Variants in SIAH1 observed in about 807,000 individuals in gnomAD.
SIAH1 encodes E3 ubiquitin-protein ligase SIAH1.
SIAH1 carries 2 observed loss-of-function variants against 20.0 expected under a neutral mutation model. The ratio of observed to expected loss-of-function variants is 0.10; its 90% confidence interval spans 0.04 to 0.31. The LOEUF is 0.31. SIAH1 is among the 10% of genes least tolerant of loss of function. The probability of loss-of-function intolerance (pLI) is 1.00; values close to 1 mark genes in which losing one functional copy is unlikely to be tolerated. For synonymous variants in SIAH1, 118 were observed against 125.3 expected (o/e 0.94, Z 0.39); for missense variants, 119 against 355.3 (o/e 0.33, Z 5.35).
intron 1 of SIAH1, chr16:48,365,358 TC>T: frequency 6.2e-7 from 1 of 1,612,914 alleles, no homozygotes. Flanking sequence ...TTTCACAGCC[TC>T]AGCAAACCAT....
upstream of SIAH1, chr16:48,387,106 C>G (rs1054337426): frequency 6.6e-6 from 1 of 152,212 alleles, no homozygotes; most frequent in Non-Finnish European, 1.5e-5. Flanking sequence ...GACACAGTGT[C>G]CCCTGAGGAT....
In SIAH1 at chr16:48,367,005, C is replaced by T. The variant is rs199842257; in HGVS notation, c.-2-4575G>A. On this transcript the variant is annotated intron_variant, in intron 1 of 1. Transcript: ENST00000394725. Reference sequence around the variant, plus strand: ...CACCGCAGCCTCGGTCTTCTGGGCTCGAGCAATCCTCCCACCTCAATCTCC... The same window carrying T: ...CACCGCAGCCTCGGTCTTCTGGGCTTGAGCAATCCTCCCACCTCAATCTCC... Among the ~76,000 whole-genome samples the T allele has an allele frequency of 1.2e-4, 18 of 152,148 alleles. No homozygotes were observed. In the East Asian group the frequency reaches 3.5e-3, roughly 29 times the overall value.
rs933399818 is a variant in SIAH1, at chr16:48,370,658, T to C, written c.-2-8228A>G. On this transcript the variant is annotated intron_variant, in intron 1 of 1. Coordinates refer to ENST00000394725, the MANE Select transcript of SIAH1 (RefSeq NM_003031.4). ...CGTCTCTACTAAAAATACAAAAAAT[T>C]AGCCAGGCGCGGTGGCGGGCGCCTG... Among the ~76,000 whole-genome samples the C allele has an allele frequency of 2.0e-5, 3 of 151,686 alleles. No homozygotes were observed. In the East Asian group the frequency reaches 5.8e-4, roughly 29 times the overall value.
At chr16:48,384,689 C>A (rs1289328507) in intron 1 of SIAH1, among the ~76,000 whole-genome samples, 1 of 146,132 alleles carries the variant, frequency 6.8e-6, no homozygotes, top group East Asian at 2.2e-4. Context: ...GCCCGCCGAG[C>A]GGCGCGGTGC....
In SIAH1 at chr16:48,375,638, C is replaced by CA. The variant is rs553847346; in HGVS notation, c.-3+9565dup. Reference sequence around the variant, plus strand: ...CGGGCGACAGAGCGAGACTCCGTCTCAAAAAAAAACAAAAAACAAAAAACA... The same window carrying CA: ...CGGGCGACAGAGCGAGACTCCGTCTCAAAAAAAAAACAAAAAACAAAAAACA... On this transcript the variant is annotated intron_variant, in intron 1 of 1. Transcript: ENST00000394725. Among the ~76,000 whole-genome samples, 1,321 of 133,482 alleles carry CA rather than the reference C, an allele frequency of 9.9e-3. 16 individuals carry two copies. The highest frequency in any genetic ancestry group is 0.034 in the African/African-American group (1,200 of 35,670). 87.6% of individuals were successfully genotyped at this position (133,482 alleles called of 152,430 possible). A position where few individuals can be genotyped will look rare whatever the true frequency, so the allele number is the denominator to read the frequency against.
intron 1 of SIAH1, among the ~76,000 whole-genome samples, chr16:48,375,474 C>CT (rs1239652545): frequency 6.6e-6 from 1 of 151,980 alleles, no homozygotes; most frequent in Non-Finnish European, 1.5e-5. Flanking sequence ...ACTGTTTCTA[C>CT]TAAAAATACA....
chr16:48,385,826 C>G (rs1326895441), upstream of SIAH1, among the ~76,000 whole-genome samples: 2 of 152,182 alleles, frequency 1.3e-5, no homozygotes, highest in Admixed American at 6.5e-5. Flanking sequence ...TGTGCCCTCC[C>G]CCTTGTTTTG....
chr16:48,363,211 CTCT>C (rs1393459717), intron 1 of SIAH1: 5 of 167,024 alleles, frequency 3.0e-5, no homozygotes, highest in Non-Finnish European at 5.9e-5. Flanking sequence ...CTTCCATTAA[CTCT>C]TCTTAATGGT....
At chr16:48,382,847 T>C (rs970636571) in intron 1 of SIAH1, among the ~76,000 whole-genome samples, 1 of 152,212 alleles carries the variant, frequency 6.6e-6, no homozygotes, top group African/African-American at 2.4e-5. Flanking sequence ...CCTAAAACTC[T>C]GTAAATTACT....
chr16:48,363,940 C>CG (rs1960719472), intron 1 of SIAH1: 1 of 64,642 alleles, frequency 1.5e-5, no homozygotes. Context: ...AAGCCATAAT[C>CG]TTTTTTTTTT....
At chr16:48,365,483 G>C in intron 1 of SIAH1, 7 of 1,612,272 alleles carry the variant, frequency 4.3e-6, no homozygotes, top group Non-Finnish European at 5.9e-6. Context: ...GTCATGAGAA[G>C]TCAGGCCACG....
chr16:48,376,911 A>G (rs1476727132), intron 1 of SIAH1, among the ~76,000 whole-genome samples: 2 of 152,256 alleles, frequency 1.3e-5, no homozygotes, highest in Non-Finnish European at 2.9e-5. Context: ...GAAACCAGGA[A>G]GAAGTTTTTA....
chr16:48,366,206 T>G (rs1960835619), intron 1 of SIAH1, among the ~76,000 whole-genome samples: 1 of 152,148 alleles, frequency 6.6e-6, no homozygotes, highest in African/African-American at 2.4e-5. Flanking sequence ...CAGTCGAATA[T>G]CGGCAGTTTC....
intron 1 of SIAH1, among the ~76,000 whole-genome samples, chr16:48,366,719 G>A (rs1045645248): frequency 6.6e-6 from 1 of 152,208 alleles, no homozygotes; most frequent in African/African-American, 2.4e-5. Context: ...AGAGTTGGCA[G>A]TGAGGAGTGA....
chr16:48,385,637 C>G (rs1445357430), upstream of SIAH1, among the ~76,000 whole-genome samples: 1 of 152,030 alleles, frequency 6.6e-6, no homozygotes, highest in Non-Finnish European at 1.5e-5. Flanking sequence ...GCCCGTGCAC[C>G]GCGCATTCAA....
Position 48,362,620 on chromosome 16 carries a change from C to T in SIAH1, c.-2-190G>A. 1.7e-6 allele frequency: 1 copy of T among 598,456 alleles called. No homozygotes were observed. The highest frequency in any genetic ancestry group is 3.1e-5 in the East Asian group (1 of 32,696). The allele number at this position is 598,456 out of a possible 1,614,324, so 37.1% of individuals were successfully genotyped here. On this transcript the variant is annotated intron_variant, in intron 1 of 1. Transcript: ENST00000394725. The surrounding 1 kb of genome is among the most constrained non-coding windows in gnomAD (Gnocchi z 4.2). Reference sequence around the variant, plus strand: ...CACTGAATGTGCACTTTATTAGGATCTGTACACTGGATAAGCTCTCTTTTC... The same window carrying T: ...CACTGAATGTGCACTTTATTAGGATTTGTACACTGGATAAGCTCTCTTTTC...
Position 48,362,288 on chromosome 16 carries a change from A to G in SIAH1, c.141T>C (p.Tyr47=). Residue 47 remains tyrosine (Y), a synonymous_variant, in exon 2 of 2, where the codon TAT becomes TAC. Coordinates refer to ENST00000394725, the MANE Select transcript of SIAH1 (RefSeq NM_003031.4). The surrounding 1 kb of genome is among the most constrained non-coding windows in gnomAD (Gnocchi z 4.2). The stretch of plus-strand genomic sequence containing the variant: ...GACATTGAAGAATGGGCGGTAACAC[A>G]TAGTCAAAGCAGACTGGACACTCAA... The part of the protein sequence containing the change: ...SLFECPVCFD[Y]VLPPILQCQS... The G allele has an allele frequency of 6.2e-7, 1 of 1,614,222 alleles. No homozygotes were observed. The highest frequency in any genetic ancestry group is 1.1e-5 in the South Asian group (1 of 91,088).
chr16:48,384,959 G>C (rs1432638596), intron 1 of SIAH1, among the ~76,000 whole-genome samples: 1 of 144,812 alleles, frequency 6.9e-6, no homozygotes, highest in African/African-American at 2.5e-5. Flanking sequence ...CCGCCACCCC[G>C]CCGGGCCCGG....
At chr16:48,386,537 C>T (rs1961472418), upstream of SIAH1, among the ~76,000 whole-genome samples, 1 of 152,134 alleles carries the variant, frequency 6.6e-6, no homozygotes, top group African/African-American at 2.4e-5. Flanking sequence ...AGAAAAATCC[C>T]ATACCGGGCA....
Sources: allele counts gnomAD v4.1 joint callset (sites outside exome capture counted in the v4.1 genomes callset), GRCh38; gene constraint gnomAD v4.1.1; non-coding constraint Gnocchi (gnomAD v3.1); transcripts MANE v1.5; gene names NCBI Gene and HGNC (gene_info 2026-07-23, HGNC 2026-07-21).